Variants in PARVA observed in about 807,000 individuals in gnomAD.
PARVA encodes parvin alpha.
A neutral mutation model predicts 52.6 loss-of-function variants in PARVA; 25 were observed. That is an observed-to-expected ratio of 0.48 (90% CI 0.35 to 0.66). PARVA has a LOEUF of 0.66. Ranked by LOEUF, PARVA falls within the 30% of genes least tolerant of loss-of-function variation. PARVA has a pLI of 0.01. For missense variants in PARVA, 373 were observed against 450.9 expected (o/e 0.83, Z 1.56); for synonymous variants, 185 against 179.1 (o/e 1.03, Z -0.26).
chr11:12,434,579 C>T (rs1940362448), intron 1 of PARVA, among the ~76,000 whole-genome samples: 1 of 152,202 alleles, frequency 6.6e-6, no homozygotes, highest in African/African-American at 2.4e-5. Flanking sequence ...TGTCTGAACA[C>T]ATAGTGCCCT....
At chr11:12,491,243 G>A (rs530503266) in intron 4 of PARVA, among the ~76,000 whole-genome samples, 1 of 152,262 alleles carries the variant, frequency 6.6e-6, no homozygotes, top group South Asian at 2.1e-4. Flanking sequence ...GCCGACTGTA[G>A]CCTCTACCTC....
chr11:12,527,845 G>C lies in PARVA; in HGVS notation c.1043-4G>C, dbSNP rs766704552. On this transcript the variant is annotated splice_region_variant and splice_polypyrimidine_tract_variant and intron_variant, in intron 12 of 12. Coordinates refer to ENST00000334956, the MANE Select transcript of PARVA (RefSeq NM_018222.5). The stretch of plus-strand genomic sequence containing the variant: ...ACAATTGGTGTTTTTTGTTTTCTAC[G>C]CAGACATAGTCAACTGTGACCTGAA... 6.2e-7 allele frequency: 1 copy of C among 1,605,118 alleles called. No individual in the cohort carries two copies. Among genetic ancestry groups the C allele is most frequent in the African/African-American group, 1.4e-5 (1 of 72,956 alleles).
intron 4 of PARVA, among the ~76,000 whole-genome samples, chr11:12,493,652 A>G (rs1216236792): frequency 6.6e-6 from 1 of 152,150 alleles, no homozygotes; most frequent in Non-Finnish European, 1.5e-5. Flanking sequence ...GGAAGAATGC[A>G]CTACAATTTT....
chr11:12,469,477 G>A (rs1273227028), intron 1 of PARVA, among the ~76,000 whole-genome samples: 3 of 152,324 alleles, frequency 2.0e-5, no homozygotes, highest in African/African-American at 7.2e-5. Flanking sequence ...TCTGTGCCGA[G>A]AAAATTCAGT....
At chr11:12,522,248 A>G (rs1270926505) in intron 12 of PARVA, among the ~76,000 whole-genome samples, 1 of 152,132 alleles carries the variant, frequency 6.6e-6, no homozygotes, top group East Asian at 1.9e-4. Context: ...CATGACAATA[A>G]AAAAGACTGA....
chr11:12,445,902 C>T (rs542056277), intron 1 of PARVA, among the ~76,000 whole-genome samples: 103 of 152,100 alleles, frequency 6.8e-4, no homozygotes, highest in African/African-American at 2.4e-3. Flanking sequence ...ATCCCTATAC[C>T]GCAACAAATG....
intron 1 of PARVA, among the ~76,000 whole-genome samples, chr11:12,450,519 A>G (rs1173568302): frequency 6.6e-6 from 1 of 152,222 alleles, no homozygotes; most frequent in Non-Finnish European, 1.5e-5. Context: ...TTGGATGCCC[A>G]TGTGTATTAG....
chr11:12,416,107 T>C (rs1324153154), intron 1 of PARVA, among the ~76,000 whole-genome samples: 2 of 152,196 alleles, frequency 1.3e-5, no homozygotes, highest in Admixed American at 6.5e-5. Context: ...GAGGGGGAAT[T>C]TTCCCCCTTG....
At chr11:12,508,480 C>A (rs1941463452) in intron 6 of PARVA, 104 bp from the exon 7 acceptor site, 2 of 839,536 alleles carry the variant, frequency 2.4e-6, no homozygotes, top group Non-Finnish European at 4.1e-6. Flanking sequence ...TTCTTAAACA[C>A]CAGTAACTTT....
rs529019554 is a variant in PARVA at position 12,386,717 on chromosome 11, C to T, written c.136+8934C>T. Among the ~76,000 whole-genome samples, 3 of 152,290 alleles carry T rather than the reference C, an allele frequency of 2.0e-5. No homozygotes were observed. The South Asian group carries it at 6.2e-4, about 32-fold the overall frequency. ...TCTCTTCCCCTTTTGGTGTTATTTG[C>T]CCATTTCTAACATTAAAAGATTAGA... On this transcript the variant is annotated intron_variant, in intron 1 of 12. Transcript: ENST00000334956.
chr11:12,386,796 T>A (rs1939578036), intron 1 of PARVA, among the ~76,000 whole-genome samples: 1 of 152,238 alleles, frequency 6.6e-6, no homozygotes, highest in African/African-American at 2.4e-5. Context: ...TTCTGAGCTC[T>A]TATTTCACCC....
intron 1 of PARVA, among the ~76,000 whole-genome samples, chr11:12,385,572 G>T (rs1939561276): frequency 6.6e-6 from 1 of 152,170 alleles, no homozygotes; most frequent in African/African-American, 2.4e-5. Context: ...CCTGGAGGAG[G>T]TCAGCAACTT....
At chr11:12,382,497 T>C (rs956646933) in intron 1 of PARVA, among the ~76,000 whole-genome samples, 4 of 152,114 alleles carry the variant, frequency 2.6e-5, no homozygotes, top group African/African-American at 9.7e-5. Context: ...TGCATATAAG[T>C]GGACCCTCGC....
Position 12,435,953 on chromosome 11 carries a change from G to C in PARVA, c.137-37792G>C, listed in dbSNP as rs185888027. The stretch of plus-strand genomic sequence containing the variant: ...TTCACCTGCCTCAGCCTCCTGAGTA[G>C]CTGGGACTACAGGCGCGTACCACCA... On this transcript the variant is annotated intron_variant, in intron 1 of 12. Coordinates refer to ENST00000334956, the MANE Select transcript of PARVA (RefSeq NM_018222.5). Among the ~76,000 whole-genome samples the C allele has an allele frequency of 3.0e-4, 45 of 152,182 alleles. 1 individual carries two copies. The highest frequency in any genetic ancestry group is 2.9e-3 in the East Asian group (15 of 5,150).
chr11:12,525,019 T>C (rs961467703), intron 12 of PARVA, among the ~76,000 whole-genome samples: 1 of 152,098 alleles, frequency 6.6e-6, no homozygotes, highest in Non-Finnish European at 1.5e-5. Context: ...GCCAGCTATT[T>C]GGGAAGAGTG....
intron 4 of PARVA, among the ~76,000 whole-genome samples, chr11:12,482,095 G>A (rs1488911435): frequency 6.6e-6 from 1 of 150,390 alleles, no homozygotes; most frequent in Non-Finnish European, 1.5e-5. Context: ...GGCAGAGGTT[G>A]CAGCAAGCCG....
chr11:12,518,103 G>GGTCC (rs138441977), intron 11 of PARVA, among the ~76,000 whole-genome samples: 8,888 of 152,294 alleles, frequency 0.058, 427 homozygotes, highest in East Asian at 0.17. Context: ...AAAGGCATTT[G>GGTCC]ACCAGAAAGC....
intron 1 of PARVA, among the ~76,000 whole-genome samples, chr11:12,400,561 A>C (rs956943566): frequency 3.3e-5 from 5 of 152,180 alleles, no homozygotes; most frequent in Admixed American, 6.5e-5. Context: ...AGAAAAATGC[A>C]CTTGAATTCC....
At chr11:12,515,853 T>C (rs2135080813) in intron 10 of PARVA, among the ~76,000 whole-genome samples, 1 of 152,294 alleles carries the variant, frequency 6.6e-6, no homozygotes, top group South Asian at 2.1e-4. Context: ...CTTTTGTTTT[T>C]GAGACAGGGT....
Sources: allele counts gnomAD v4.1 joint callset (sites outside exome capture counted in the v4.1 genomes callset), GRCh38; gene constraint gnomAD v4.1.1; transcripts MANE v1.5; gene names NCBI Gene and HGNC (gene_info 2026-07-23, HGNC 2026-07-21).